The following PCDHA1 variants were observed in gnomAD, a reference collection of about 807,000 sequenced individuals.
The protein encoded by PCDHA1 is protocadherin alpha-1.
A neutral mutation model predicts 61.3 loss-of-function variants in PCDHA1; 42 were observed. The ratio of observed to expected loss-of-function variants is 0.69; its 90% confidence interval spans 0.54 to 0.89. The LOEUF is 0.89. Ranked by LOEUF, PCDHA1 falls within the 40% of genes least tolerant of loss-of-function variation. The pLI is 0.00. For synonymous variants in PCDHA1, 610 were observed against 553.8 expected, an observed-to-expected ratio of 1.10 and a Z score of -1.43; for missense variants, 1,256 against 1,235.3, an observed-to-expected ratio of 1.02 and a Z score of -0.25.
chr5:140,849,133 C>T, intron 1 of PCDHA1: 2 of 1,357,922 alleles, frequency 1.5e-6, no homozygotes, highest in South Asian at 2.6e-5. Flanking sequence ...TTATTGCTCA[C>T]GGCCACCGAT....
chr5:140,828,276 G>A (rs2150153517), intron 1 of PCDHA1: 50 of 1,613,972 alleles, frequency 3.1e-5, no homozygotes, highest in Non-Finnish European at 3.7e-5. Flanking sequence ...CTGGTGCCGC[G>A]CCTGTTCAGG....
intron 1 of PCDHA1, chr5:140,884,043 C>A (rs1196406346): frequency 6.2e-7 from 1 of 1,613,248 alleles, no homozygotes; most frequent in African/African-American, 1.3e-5. Flanking sequence ...CACGTGGTGG[C>A]GAAGGTGCGC....
chr5:140,841,818 C>T lies in PCDHA1; in HGVS notation c.2394+53134C>T, dbSNP rs2150323435. ...TCCGATGCAGATGTTGGAGCTAACT[C>T]CGTGTTAACCTACAGGCTTAGCTCT... On this transcript the variant is annotated intron_variant, in intron 1 of 3. Coordinates refer to ENST00000504120, the MANE Select transcript of PCDHA1 (RefSeq NM_018900.4). The T allele has an allele frequency of 1.9e-6, 3 of 1,613,912 alleles. No homozygotes were observed. In the South Asian group the frequency reaches 3.3e-5, roughly 18 times the overall value.
At position 140,853,168 on chromosome 5, in the gene PCDHA1, C is replaced by T. The variant is rs2150529261; in HGVS notation, c.2394+64484C>T. 37 of 960,760 alleles carry T rather than the reference C, an allele frequency of 3.9e-5. 1 individual carries two copies. Among genetic ancestry groups the T allele is most frequent in the Admixed American group, 1.3e-4 (2 of 15,838 alleles). 59.5% of individuals were successfully genotyped at this position (960,760 alleles called of 1,614,324 possible). On this transcript the variant is annotated intron_variant, in intron 1 of 3. Transcript: ENST00000504120. ...TGCTGGGATTACAGGCGTGAGCCAC[C>T]GCGCCTGGCCTAAAATGTGTTCTTT... is the stretch of plus-strand genomic sequence containing the variant.
At chr5:140,788,951 T>C in intron 1 of PCDHA1, 1 of 605,216 alleles carries the variant, frequency 1.7e-6, no homozygotes, top group Non-Finnish European at 2.5e-6. Flanking sequence ...TAAAAGGTAA[T>C]GTTGGTCATA....
At position 140,829,501 on chromosome 5, in the gene PCDHA1, G is replaced by C. The variant is rs2150169011; in HGVS notation, c.2394+40817G>C. 1.4e-5 allele frequency: 23 copies of C among 1,613,442 alleles called. No individual in the cohort carries two copies. The East Asian group carries it at 2.2e-4, about 16-fold the overall frequency. ...TGTTCGTGAAGGAGAACAACCCGCC[G>C]GGCTGCCACATCTTCACGGTGTCTG... On this transcript the variant is annotated intron_variant, in intron 1 of 3. Transcript: ENST00000504120.
intron 1 of PCDHA1, chr5:140,869,865 T>C (rs782263076): frequency 6.2e-7 from 1 of 1,610,308 alleles, no homozygotes; most frequent in Non-Finnish European, 8.5e-7. Context: ...TTATGGAAAA[T>C]GCTGCTAAAG....
Position 140,842,464 on chromosome 5 carries a change from C to T in PCDHA1, c.2394+53780C>T, listed in dbSNP as rs2150336696. On this transcript the variant is annotated intron_variant, in intron 1 of 3. Coordinates refer to ENST00000504120, the MANE Select transcript of PCDHA1 (RefSeq NM_018900.4). ...GCGTGAACGACCTCGATTCAGGTGC[C>T]AACGGGCAGGTGACCTGCTCCCTGA... 1.1e-4 allele frequency: 180 copies of T among 1,613,798 alleles called. 1 individual carries two copies. The highest frequency in any genetic ancestry group is 1.5e-4 in the Non-Finnish European group (172 of 1,179,758).
chr5:140,888,197 C>T (rs190439070), intron 1 of PCDHA1, among the ~76,000 whole-genome samples: 18 of 152,162 alleles, frequency 1.2e-4, no homozygotes, highest in East Asian at 1.2e-3. Flanking sequence ...TTTACATTGT[C>T]GGATGCTGGA....
intron 1 of PCDHA1, chr5:140,814,277 T>C (rs1218158800): frequency 1.3e-5 from 2 of 152,348 alleles, no homozygotes; most frequent in African/African-American, 2.4e-5. Context: ...CCTAGGACTG[T>C]ATTGGGTCAG....
chr5:140,922,560 G>A (rs2080886484), intron 1 of PCDHA1, among the ~76,000 whole-genome samples: 4 of 152,146 alleles, frequency 2.6e-5, no homozygotes, highest in Admixed American at 2.6e-4. Flanking sequence ...GAAAAGTCAG[G>A]ATGACAAGTT....
At chr5:140,804,212 G>T (rs1360178993) in intron 1 of PCDHA1, 1 of 151,958 alleles carries the variant, frequency 6.6e-6, no homozygotes, top group Admixed American at 6.6e-5. Context: ...TGGCAATACC[G>T]TTTATTGTTT....
intron 1 of PCDHA1, among the ~76,000 whole-genome samples, chr5:140,891,857 C>G (rs1202628035): frequency 6.6e-6 from 1 of 152,194 alleles, no homozygotes; most frequent in Non-Finnish European, 1.5e-5. Context: ...GCCTGTCCCT[C>G]TCTTATGCTT....
chr5:141,004,402 A>T (rs2098165262), intron 3 of PCDHA1, among the ~76,000 whole-genome samples: 1 of 152,188 alleles, frequency 6.6e-6, no homozygotes, highest in African/African-American at 2.4e-5. Context: ...TGGAGGAGGC[A>T]CCTGACTAGA....
chr5:140,849,081 T>G (rs2040772386), intron 1 of PCDHA1: 2 of 1,516,686 alleles, frequency 1.3e-6, no homozygotes. Context: ...TGGACTTGTA[T>G]TACGGAAACT....
intron 1 of PCDHA1, among the ~76,000 whole-genome samples, chr5:140,947,710 A>G (rs2094165762): frequency 6.6e-6 from 1 of 151,556 alleles, no homozygotes; most frequent in African/African-American, 2.4e-5. Context: ...TTAAGTATTG[A>G]GGTTTCAAAA....
intron 2 of PCDHA1, among the ~76,000 whole-genome samples, chr5:140,979,495 G>A (rs1405180713): frequency 6.6e-6 from 1 of 151,840 alleles, no homozygotes; most frequent in Non-Finnish European, 1.5e-5. Context: ...ACCTATTAGA[G>A]CCTCCTCATC....
intron 1 of PCDHA1, among the ~76,000 whole-genome samples, chr5:140,886,712 G>A (rs950364984): frequency 1.3e-5 from 2 of 151,798 alleles, no homozygotes; most frequent in Middle Eastern, 3.4e-3. Flanking sequence ...TGTAATCCCA[G>A]CTACTTGGGA....
chr5:140,995,314 G>A (rs2097676013), intron 3 of PCDHA1, among the ~76,000 whole-genome samples: 1 of 152,140 alleles, frequency 6.6e-6, no homozygotes, highest in Admixed American at 6.5e-5. Context: ...CTTTCTAAGT[G>A]AACTAACAGG....
Sources: allele counts gnomAD v4.1 joint callset (sites outside exome capture counted in the v4.1 genomes callset), GRCh38; gene constraint gnomAD v4.1.1; transcripts MANE v1.5; gene names NCBI Gene and HGNC (gene_info 2026-07-23, HGNC 2026-07-21).